FADS3: variants seen among roughly 807,000 people sequenced by gnomAD.
FADS3 encodes fatty acid desaturase 3, also known as cytochrome b5-related protein.
FADS3 carries 30 observed loss-of-function variants against 60.4 expected under a neutral mutation model. The observed-to-expected ratio is 0.50, with a 90% CI of 0.37 to 0.67. FADS3 has a LOEUF of 0.67. Among genes scored for constraint, FADS3 ranks in the 30% least tolerant of loss-of-function variants. FADS3 has a pLI of 0.00. For missense variants in FADS3, 432 were observed against 598.3 expected (o/e 0.72, Z 2.90); for synonymous variants, 234 against 249.3 (o/e 0.94, Z 0.58).
chr11:61,887,755 T>C (rs991923933), intron 1 of FADS3, among the ~76,000 whole-genome samples: 4 of 152,204 alleles, frequency 2.6e-5, no homozygotes, highest in African/African-American at 7.2e-5. Flanking sequence ...TGCTCACTGA[T>C]GGATTTAATG....
rs984257360 is a variant in FADS3 at position 61,875,732 on chromosome 11, T to A, written c.1286+119A>T. 3.2e-6 allele frequency: 4 copies of A among 1,231,146 alleles called. No individual in the cohort carries two copies. In the Admixed American group the frequency reaches 7.0e-5, roughly 21 times the overall value. 76.3% of individuals were successfully genotyped at this position (1,231,146 alleles called of 1,614,324 possible). A position where few individuals can be genotyped will look rare whatever the true frequency, so the allele number is the denominator to read the frequency against. On this transcript the variant is annotated intron_variant, in intron 11 of 11. Transcript: ENST00000278829. ...AAGGCTGGGGAAGGGAGGAAGGGCA[T>A]GGGACGTGGACAGAAAGGCTCAGGG... is the stretch of plus-strand genomic sequence containing the variant.
chr11:61,873,755 C>T lies in FADS3; in HGVS notation c.*59G>A, dbSNP rs376103076. The T allele has an allele frequency of 1.2e-5, 16 of 1,364,604 alleles. No individual in the cohort carries two copies. Among genetic ancestry groups the T allele is most frequent in the South Asian group, 3.6e-5 (3 of 82,296 alleles). The allele number at this position is 1,364,604 out of a possible 1,614,324, so 84.5% of individuals were successfully genotyped here. The stretch of plus-strand genomic sequence containing the variant: ...GGAGGGGTGAGGGTATCGATCCCGC[C>T]GGGGGCTGGCTTGGTTGCTGGTGCC... On this transcript the variant is annotated 3_prime_UTR_variant, in exon 12 of 12. Transcript: ENST00000278829.
At chr11:61,882,752 CAG>C (rs1258150107) in intron 1 of FADS3, among the ~76,000 whole-genome samples, 3 of 152,182 alleles carry the variant, frequency 2.0e-5, no homozygotes, top group South Asian at 2.1e-4. Context: ...TTTTTTGAGA[CAG>C]AGTCTTGCTC....
chr11:61,879,867 C>T (rs1277642720), intron 2 of FADS3, among the ~76,000 whole-genome samples, 174 bp downstream of exon 2: 1 of 152,242 alleles, frequency 6.6e-6, no homozygotes, highest in Non-Finnish European at 1.5e-5. Flanking sequence ...GGCATCCCTA[C>T]AGCTTCACTT....
intron 1 of FADS3, among the ~76,000 whole-genome samples, chr11:61,884,809 G>A (rs982013310): frequency 6.6e-6 from 1 of 152,210 alleles, no homozygotes; most frequent in African/African-American, 2.4e-5. Flanking sequence ...GTCTCTCATC[G>A]GGTACCGGAG....
chr11:61,891,558 A>T (rs1167562736), upstream of FADS3: 1 of 304,688 alleles, frequency 3.3e-6, no homozygotes, highest in African/African-American at 2.2e-5. Context: ...GGCGCAGGGA[A>T]CTCCCCGCCT....
Position 61,877,843 on chromosome 11 carries a change from G to A in FADS3, c.809-256C>T, listed in dbSNP as rs1937966128. 5 of 594,518 alleles carry A rather than the reference G, an allele frequency of 8.4e-6. No individual in the cohort carries two copies. The highest frequency in any genetic ancestry group is 1.2e-5 in the Non-Finnish European group (4 of 333,024). The allele number at this position is 594,518 out of a possible 1,614,324, so 36.8% of individuals were successfully genotyped here. On this transcript the variant is annotated intron_variant, in intron 6 of 11. Transcript: ENST00000278829. The surrounding 1 kb of genome is among the most constrained non-coding windows in gnomAD (Gnocchi z 4.7). ...CCTCACTCTGTCCGCCCCAACAACT[G>A]CCCAAAGACTCTAGGGCTCCGGACC...
rs556173649 is a variant in FADS3, at chr11:61,877,309, C to A, written c.885+202G>T. On this transcript the variant is annotated intron_variant, in intron 7 of 11. Transcript: ENST00000278829. This position sits in a 1 kb window ranked among gnomAD's most constrained non-coding sequence, Gnocchi z 4.7. ...ACCCCCCCTGTTCCTCAACCCCCCC[C>A]CACCACACGTACAGTCACGGGCACA... The A allele has an allele frequency of 1.0e-5, 3 of 288,192 alleles. No homozygotes were observed. Among genetic ancestry groups the A allele is most frequent in the East Asian group, 1.8e-4 (2 of 11,066 alleles). The allele number at this position is 288,192 out of a possible 1,614,324, so 17.9% of individuals were successfully genotyped here. A position where few individuals can be genotyped will look rare whatever the true frequency, so the allele number is the denominator to read the frequency against.
intron 1 of FADS3, among the ~76,000 whole-genome samples, chr11:61,890,808 C>T (rs1160683476): frequency 6.6e-6 from 1 of 152,198 alleles, no homozygotes; most frequent in Non-Finnish European, 1.5e-5. Context: ...CCCTGCCCTA[C>T]CCCTAGCACT....
intron 1 of FADS3, among the ~76,000 whole-genome samples, chr11:61,889,422 T>C: frequency 7.0e-6 from 1 of 142,952 alleles, no homozygotes; most frequent in East Asian, 2.2e-4. Flanking sequence ...GAGGCCGAGG[T>C]GGGTGGATCA....
chr11:61,882,567 A>T (rs1269439166), intron 1 of FADS3: 1 of 151,814 alleles, frequency 6.6e-6, no homozygotes, highest in Non-Finnish European at 1.5e-5. Flanking sequence ...CTACAGGCAC[A>T]TGCCACCATG....
chr11:61,875,410 T>TAG (rs1937836073), intron 11 of FADS3, among the ~76,000 whole-genome samples: 1 of 77,674 alleles, frequency 1.3e-5, no homozygotes, highest in Admixed American at 1.5e-4. Flanking sequence ...TTTTTTTTTT[T>TAG]TTAGTAGAGA....
chr11:61,876,043 TCCCCTCCCAGGATCCCCTCCCAGGAC>T lies in FADS3; in HGVS notation c.1160+42_1160+67del. The T allele has an allele frequency of 6.2e-7, 1 of 1,606,252 alleles. No individual in the cohort carries two copies. ...TCCAGAGAGAGGCCCCACCCACGGG[TCCCCTCCCAGGATCCCCTCCCAGGAC>T]CCCCTCCCCACCTCCCACTGGCCCC... On this transcript the variant is annotated intron_variant, in intron 10 of 11. Coordinates refer to ENST00000278829, the MANE Select transcript of FADS3 (RefSeq NM_021727.5). The surrounding 1 kb of genome is among the most constrained non-coding windows in gnomAD (Gnocchi z 5.7).
chr11:61,891,394 A>T lies in FADS3; in HGVS notation c.-13T>A. ...CGACGCCGCCCATGCTGCACGCACGAGTCCTGGGGATCCCAGGCGGTGGCC... is the reference window on the plus strand; with the variant it reads ...CGACGCCGCCCATGCTGCACGCACGTGTCCTGGGGATCCCAGGCGGTGGCC... On this transcript the variant is annotated 5_prime_UTR_variant, in exon 1 of 12. Transcript: ENST00000278829. The T allele has an allele frequency of 7.1e-7, 1 of 1,408,302 alleles. No homozygotes were observed. Among genetic ancestry groups the T allele is most frequent in the Non-Finnish European group, 9.2e-7 (1 of 1,085,628 alleles). The allele number at this position is 1,408,302 out of a possible 1,614,324, so 87.2% of individuals were successfully genotyped here.
chr11:61,878,334 G>A (rs151124765), intron 5 of FADS3, 119 bp from the exon 6 acceptor site: 2 of 1,361,846 alleles, frequency 1.5e-6, no homozygotes, highest in African/African-American at 2.9e-5. Flanking sequence ...CTAGCAAGCG[G>A]GCTGGTCGTC....
At chr11:61,874,550 G>A (rs944289407) in intron 11 of FADS3, among the ~76,000 whole-genome samples, 2 of 152,126 alleles carry the variant, frequency 1.3e-5, no homozygotes, top group African/African-American at 4.8e-5. Flanking sequence ...TTTCCACTTC[G>A]ACTCCTGCCC....
chr11:61,890,403 C>G (rs1229662406), intron 1 of FADS3: 1 of 152,280 alleles, frequency 6.6e-6, no homozygotes, highest in Non-Finnish European at 1.5e-5. Context: ...GTGTGGCCAA[C>G]CTAGAAATTT....
Position 61,878,174 on chromosome 11 carries a change from C to T in FADS3, c.789G>A (p.Gln263=), listed in dbSNP as rs1157516621. 6.2e-7 allele frequency: 1 copy of T among 1,613,998 alleles called. No homozygotes were observed. The highest frequency in any genetic ancestry group is 1.3e-5 in the African/African-American group (1 of 74,904). The change falls in exon 6 of 12, where the codon CAG becomes CAA. Residue 263 remains glutamine (Q), a synonymous_variant. Transcript: ENST00000278829. ...KKRRYLPYNQ[Q]HLYFFLIGPP... ...ACTCACTCAGGAAGAAGTACAGGTG[C>T]TGCTGGTTGTAGGGTAGGTATCTGC...
Position 61,891,420 on chromosome 11 carries a change from G to A in FADS3, c.-39C>T, listed in dbSNP as rs1412725125. 5.8e-6 allele frequency: 8 copies of A among 1,370,224 alleles called. No homozygotes were observed. In the Admixed American group the frequency reaches 2.3e-4, roughly 40 times the overall value. 84.9% of individuals were successfully genotyped at this position (1,370,224 alleles called of 1,614,324 possible). A position where few individuals can be genotyped will look rare whatever the true frequency, so the allele number is the denominator to read the frequency against. ...GTCCTGGGGATCCCAGGCGGTGGCC[G>A]AGGTCCGAGCAAGACCCCGAGGGAA... On this transcript the variant is annotated 5_prime_UTR_variant, in exon 1 of 12. Transcript: ENST00000278829.
Sources: gnomAD v4.1 joint callset for allele counts (sites outside exome capture counted in the v4.1 genomes callset) on GRCh38, gnomAD v4.1.1 for gene constraint, Gnocchi (gnomAD v3.1) non-coding constraint, MANE v1.5 for transcripts, NCBI Gene and HGNC (gene_info 2026-07-23, HGNC 2026-07-21) for gene names.